MICAL2: variants seen among roughly 807,000 people sequenced by gnomAD.
MICAL2 encodes the protein microtubule associated monooxygenase, calponin and LIM domain containing 2, also known as [F-actin]-monooxygenase MICAL2.
In MICAL2, 77 loss-of-function variants were observed where a neutral mutation model predicts 127.3. The ratio of observed to expected loss-of-function variants is 0.60; its 90% CI spans 0.50 to 0.73. The LOEUF (loss-of-function observed/expected upper bound fraction) is 0.73, where lower values mean the gene tolerates loss of function less well. Among genes scored for constraint, MICAL2 ranks in the 30% least tolerant of loss-of-function variants. The pLI is 0.00. For synonymous variants in MICAL2, 570 were observed against 551.1 expected (o/e 1.03, Z -0.48); for missense variants, 1,351 against 1,434.4 (o/e 0.94, Z 0.94).
At chr11:12,347,999 CA>C (rs1358399909) in intron 32 of MICAL2, among the ~76,000 whole-genome samples, 2 of 151,930 alleles carry the variant, frequency 1.3e-5, no homozygotes, top group Admixed American at 1.3e-4. Context: ...ACTAAAAATA[CA>C]AAACTTAGCT....
intron 15 of MICAL2, among the ~76,000 whole-genome samples, chr11:12,235,472 A>G (rs1049391610): frequency 6.6e-6 from 1 of 152,158 alleles, no homozygotes; most frequent in African/African-American, 2.4e-5. Context: ...ACTGTTAACA[A>G]TCAGGCTGGG....
intron 3 of MICAL2, among the ~76,000 whole-genome samples, chr11:12,178,335 T>C (rs1188081126): frequency 1.3e-5 from 2 of 152,156 alleles, no homozygotes; most frequent in Non-Finnish European, 2.9e-5. Context: ...AGAGTAACCA[T>C]GGCCCGTGAC....
At chr11:12,120,769 A>T (rs562998371) in intron 1 of MICAL2, among the ~76,000 whole-genome samples, 1 of 152,192 alleles carries the variant, frequency 6.6e-6, no homozygotes, top group Non-Finnish European at 1.5e-5. Context: ...GCTCTGAGGC[A>T]TGGAGAGCCC....
intron 15 of MICAL2, among the ~76,000 whole-genome samples, chr11:12,229,895 C>CAAG (rs1857990338): frequency 1.3e-5 from 2 of 152,362 alleles, no homozygotes; most frequent in South Asian, 4.1e-4. Flanking sequence ...GATCTGTCCT[C>CAAG]TCCCACAGCC....
chr11:12,120,021 G>A (rs75770254), intron 1 of MICAL2, among the ~76,000 whole-genome samples: 13,798 of 152,194 alleles, frequency 0.091, 1,431 homozygotes, highest in African/African-American at 0.26. Context: ...AGTTGGCTGC[G>A]TGTACCGAAG....
downstream of MICAL2, chr11:12,294,113 C>T (rs375396557): frequency 1.6e-4 from 260 of 1,613,902 alleles, no homozygotes; most frequent in Non-Finnish European, 2.0e-4. Flanking sequence ...AAAACCAGTC[C>T]GCCCCCTGCT....
At chr11:12,337,399 A>T (rs897572338) in intron 32 of MICAL2, among the ~76,000 whole-genome samples, 26 of 152,092 alleles carry the variant, frequency 1.7e-4, no homozygotes, top group Non-Finnish European at 2.9e-5. Context: ...CTTTTCAAAA[A>T]ACCAGCTCCT....
intron 3 of MICAL2, among the ~76,000 whole-genome samples, chr11:12,174,921 G>C (rs1856671207): frequency 6.6e-6 from 1 of 152,156 alleles, no homozygotes; most frequent in Non-Finnish European, 1.5e-5. Flanking sequence ...AGGAGATTGA[G>C]ACCAGCCTGG....
In MICAL2 at chr11:12,314,624, G is replaced by A. The variant is rs573338396; in HGVS notation, c.5213-5072G>A. Among the ~76,000 whole-genome samples the A allele has an allele frequency of 2.3e-3, 340 of 145,808 alleles. 2 individuals are homozygous for A. Among genetic ancestry groups the A allele is most frequent in the East Asian group, 3.6e-3 (18 of 4,948 alleles). On this transcript the variant is annotated intron_variant, in intron 29 of 34. Coordinates refer to the MICAL2 transcript ENST00000646065. ...CTCCCGAGTAGCTGGGACTACAGGC[G>A]CCCGCCACCATGCCCAGCTAATTTT...
intron 3 of MICAL2, among the ~76,000 whole-genome samples, chr11:12,184,590 A>G (rs539452104): frequency 6.6e-6 from 1 of 152,356 alleles, no homozygotes; most frequent in South Asian, 2.1e-4. Flanking sequence ...GAGATTTCAT[A>G]AATAAATTCC....
chr11:12,126,898 G>C (rs1374620729), intron 1 of MICAL2, among the ~76,000 whole-genome samples: 1 of 152,112 alleles, frequency 6.6e-6, no homozygotes, highest in African/African-American at 2.4e-5. Context: ...GGTGGCGGCA[G>C]CAGCAGCATT....
chr11:12,288,476 C>A (rs1025007989), downstream of MICAL2, among the ~76,000 whole-genome samples: 1 of 152,170 alleles, frequency 6.6e-6, no homozygotes, highest in East Asian at 1.9e-4. Flanking sequence ...GGGGGAGGTG[C>A]AGGAGCAAGA....
At chr11:12,319,574 A>C in intron 29 of MICAL2, 1 of 695,304 alleles carries the variant, frequency 1.4e-6, no homozygotes, top group Admixed American at 2.5e-5. Flanking sequence ...CGGCAGGTGC[A>C]GTGAGGGGAG....
intron 14 of MICAL2, among the ~76,000 whole-genome samples, chr11:12,226,707 C>T (rs1327493101): frequency 1.4e-5 from 2 of 141,478 alleles, no homozygotes; most frequent in African/African-American, 5.4e-5. Context: ...GGCTGGAGTG[C>T]AGTGGTGTGA....
Position 12,220,303 on chromosome 11 carries a change from C to A in MICAL2, c.1051C>A (p.Leu351Met). 6.2e-7 allele frequency: 1 copy of A among 1,614,248 alleles called. No individual in the cohort carries two copies. Among genetic ancestry groups the A allele is most frequent in the Non-Finnish European group, 8.5e-7 (1 of 1,180,040 alleles). Residue 351 changes from leucine (L) to methionine (M), a missense_variant, in exon 9 of 28, where the codon CTG becomes ATG. This residue lies in a region of MICAL2 where 599 missense variants were observed against 714.9 expected (regional missense o/e 0.84). Coordinates refer to ENST00000683283, the MANE Select transcript of MICAL2 (RefSeq NM_001282663.2). ...EAADFATNYQ[L>M]PSLDFAMNHY... is the part of the protein sequence containing the mutation. Reference sequence around the variant, plus strand: ...TGCAGACTTTGCCACCAACTACCAGCTGCCATCCTTAGACTTTGCCATGAA... The same window carrying A: ...TGCAGACTTTGCCACCAACTACCAGATGCCATCCTTAGACTTTGCCATGAA...
chr11:12,140,833 C>T (rs1341638573), intron 2 of MICAL2, among the ~76,000 whole-genome samples: 1 of 152,240 alleles, frequency 6.6e-6, no homozygotes, highest in East Asian at 1.9e-4. Context: ...CTAAACAGGT[C>T]AGCCTTCCAG....
At chr11:12,135,384 A>C (rs1450762528) in intron 1 of MICAL2, among the ~76,000 whole-genome samples, 1 of 152,180 alleles carries the variant, frequency 6.6e-6, no homozygotes, top group Non-Finnish European at 1.5e-5. Flanking sequence ...GCCCAAAGTC[A>C]CATAGCTAGT....
At chr11:12,121,413 G>A (rs1239435539) in intron 1 of MICAL2, 2 of 152,690 alleles carry the variant, frequency 1.3e-5, no homozygotes, top group Non-Finnish European at 2.9e-5. Flanking sequence ...CAAAGAAAGC[G>A]CCTTTGGAAG....
chr11:12,350,805 G>T (rs1939031419), intron 33 of MICAL2, among the ~76,000 whole-genome samples: 1 of 152,138 alleles, frequency 6.6e-6, no homozygotes, highest in Non-Finnish European at 1.5e-5. Context: ...ATAACAAATT[G>T]CCACAGACTG....
Sources: gnomAD v4.1 joint callset for allele counts (sites outside exome capture counted in the v4.1 genomes callset) on GRCh38, gnomAD v4.1.1 for gene constraint, gnomAD v4.1.1 regional missense constraint, MANE v1.5 for transcripts, NCBI Gene and HGNC (gene_info 2026-07-23, HGNC 2026-07-21) for gene names.